FRMD4B: variants seen among roughly 807,000 people sequenced by gnomAD.
FRMD4B encodes FERM domain containing 4B.
A neutral mutation model predicts 141.5 loss-of-function variants in FRMD4B; 74 were observed. That is an observed-to-expected ratio of 0.52 (90% CI 0.43 to 0.63). The LOEUF is 0.63. Among genes scored for constraint, FRMD4B ranks in the 30% least tolerant of loss-of-function variants. The pLI, the probability that FRMD4B is intolerant of heterozygous loss-of-function variation, is 0.00. For missense variants in FRMD4B, 1,366 were observed against 1,253.4 expected (o/e 1.09, Z -1.36); for synonymous variants, 506 against 467.9 (o/e 1.08, Z -1.05).
intron 1 of FRMD4B, among the ~76,000 whole-genome samples, chr3:69,505,190 G>C (rs7651514): frequency 0.6 from 90,295 of 151,724 alleles, 28,794 homozygotes; most frequent in African/African-American, 0.85. Flanking sequence ...GGCAAGATAG[G>C]AAGACCCCAT....
chr3:69,423,055 C>G (rs957176355), intron 2 of FRMD4B, among the ~76,000 whole-genome samples: 1 of 152,100 alleles, frequency 6.6e-6, no homozygotes, highest in Non-Finnish European at 1.5e-5. Context: ...TTTTGTGAGA[C>G]AAATTTATTG....
chr3:69,171,793 G>T lies in FRMD4B; in HGVS notation c.*68C>A. On this transcript the variant is annotated 3_prime_UTR_variant, in exon 23 of 23. Transcript: ENST00000398540. ...TTCTAAAACGAACATCCTCTCGGAA[G>T]ACAAATACAATTTGCAAGGCACACT... 6.7e-7 allele frequency: 1 copy of T among 1,497,268 alleles called. No individual in the cohort carries two copies. Among genetic ancestry groups the T allele is most frequent in the South Asian group, 1.2e-5 (1 of 86,840 alleles). 92.7% of individuals were successfully genotyped at this position (1,497,268 alleles called of 1,614,324 possible). A position where few individuals can be genotyped will look rare whatever the true frequency, so the allele number is the denominator to read the frequency against.
chr3:69,486,363 C>A (rs549358201), intron 1 of FRMD4B, among the ~76,000 whole-genome samples: 1 of 152,152 alleles, frequency 6.6e-6, no homozygotes, highest in Non-Finnish European at 1.5e-5. Flanking sequence ...TTTTATCCCT[C>A]GCCCCTCTCC....
chr3:69,297,604 G>A (rs1361583612), intron 4 of FRMD4B, among the ~76,000 whole-genome samples: 3 of 152,174 alleles, frequency 2.0e-5, no homozygotes, highest in Non-Finnish European at 4.4e-5. Context: ...GAGGGAATAT[G>A]AGCATTTCCA....
intron 7 of FRMD4B, among the ~76,000 whole-genome samples, chr3:69,226,428 T>A (rs1177199896): frequency 1.3e-5 from 2 of 150,192 alleles, no homozygotes; most frequent in African/African-American, 2.4e-5. Flanking sequence ...ACATTTACTT[T>A]TTTTTTTTTT....
At chr3:69,391,152 T>C (rs547675358) in intron 2 of FRMD4B, among the ~76,000 whole-genome samples, 65 of 152,220 alleles carry the variant, frequency 4.3e-4, no homozygotes, top group African/African-American at 1.5e-3. Flanking sequence ...TTTGGATACT[T>C]ATCATCCAAA....
chr3:69,256,066 C>T (rs2093490617), intron 5 of FRMD4B, among the ~76,000 whole-genome samples: 1 of 151,934 alleles, frequency 6.6e-6, no homozygotes, highest in African/African-American at 2.4e-5. Flanking sequence ...CACTGGACTC[C>T]AGCCTGGGTG....
chr3:69,288,714 TC>T (rs1328173195), intron 4 of FRMD4B, among the ~76,000 whole-genome samples: 2 of 152,134 alleles, frequency 1.3e-5, no homozygotes, highest in Non-Finnish European at 2.9e-5. Flanking sequence ...TGATTAATAA[TC>T]ATGAAGAGCC....
intron 1 of FRMD4B, among the ~76,000 whole-genome samples, chr3:69,346,103 C>T (rs928774095): frequency 1.3e-5 from 2 of 152,098 alleles, no homozygotes; most frequent in East Asian, 3.9e-4. Flanking sequence ...AGACAAATGG[C>T]TAACTAGAAT....
chr3:69,277,552 GTGT>G lies in FRMD4B; in HGVS notation c.501+10197_501+10199del, dbSNP rs1238692314. On this transcript the variant is annotated intron_variant, in intron 5 of 22. Coordinates refer to ENST00000398540, the MANE Select transcript of FRMD4B (RefSeq NM_015123.3). ...TTTTTTTTTTTTTTTTTGAGATGGA[GTGT>G]TGTTGTCGCCAGGCTGGAGTGCAGT... 1.1e-4 allele frequency among the ~76,000 whole-genome samples: 10 copies of G among 94,162 alleles called. No homozygotes were observed. The East Asian group carries it at 3.5e-3, about 33-fold the overall frequency. The allele number at this position is 94,162 out of a possible 152,430, so 61.8% of individuals were successfully genotyped here. A position where few individuals can be genotyped will look rare whatever the true frequency, so the allele number is the denominator to read the frequency against.
At chr3:69,366,136 T>C (rs996321984) in intron 1 of FRMD4B, among the ~76,000 whole-genome samples, 7 of 150,912 alleles carry the variant, frequency 4.6e-5, no homozygotes, top group African/African-American at 1.7e-4. Flanking sequence ...GGCACAGGCT[T>C]GTAATCCCGG....
intron 1 of FRMD4B, among the ~76,000 whole-genome samples, chr3:69,331,220 G>A (rs1242764926): frequency 1.3e-5 from 2 of 152,184 alleles, no homozygotes; most frequent in Non-Finnish European, 2.9e-5. Flanking sequence ...AGAGTGGCCT[G>A]GACAGGGGAT....
intron 5 of FRMD4B, among the ~76,000 whole-genome samples, chr3:69,267,420 GA>G (rs2093567661): frequency 6.6e-6 from 1 of 151,930 alleles, no homozygotes; most frequent in Non-Finnish European, 1.5e-5. Flanking sequence ...AGAGCAATTT[GA>G]ATAAAGACTG....
chr3:69,367,270 G>GAAATAAT (rs1703693565), intron 1 of FRMD4B, among the ~76,000 whole-genome samples: 3 of 152,110 alleles, frequency 2.0e-5, no homozygotes, highest in Admixed American at 2.0e-4. Context: ...TAAAATATTT[G>GAAATAAT]ATTTCAGAAT....
intron 1 of FRMD4B, among the ~76,000 whole-genome samples, chr3:69,539,083 G>T (rs1184301676): frequency 6.6e-6 from 1 of 152,068 alleles, no homozygotes; most frequent in African/African-American, 2.4e-5. Flanking sequence ...TAAAGGGAGA[G>T]ATAGAGCGAG....
intron 1 of FRMD4B, among the ~76,000 whole-genome samples, chr3:69,359,858 T>C (rs546090726): frequency 1.8e-4 from 27 of 152,182 alleles, no homozygotes; most frequent in Non-Finnish European, 3.1e-4. Flanking sequence ...AAAAGGGTAT[T>C]CAAAGTTCAT....
chr3:69,328,899 A>G (rs1010677359), intron 1 of FRMD4B, among the ~76,000 whole-genome samples: 1 of 152,156 alleles, frequency 6.6e-6, no homozygotes, highest in African/African-American at 2.4e-5. Context: ...AGAAATAATC[A>G]TAAAAATAGC....
At chr3:69,472,619 C>T (rs188170734) in intron 1 of FRMD4B, 9 of 162,882 alleles carry the variant, frequency 5.5e-5, no homozygotes, top group South Asian at 3.3e-4. Context: ...AGCCAATAGC[C>T]GGAGATATCA....
At chr3:69,445,158 C>A (rs905391378) in intron 1 of FRMD4B, among the ~76,000 whole-genome samples, 5 of 152,104 alleles carry the variant, frequency 3.3e-5, no homozygotes, top group Non-Finnish European at 7.3e-5. Context: ...TGGAGCTTGC[C>A]CTGAACGGGT....
Sources: gnomAD v4.1 joint callset for allele counts (sites outside exome capture counted in the v4.1 genomes callset) on GRCh38, gnomAD v4.1.1 for gene constraint, MANE v1.5 for transcripts, NCBI Gene and HGNC (gene_info 2026-07-23, HGNC 2026-07-21) for gene names.